The following FSTL5 variants were observed in gnomAD, a reference collection of about 807,000 sequenced individuals.
FSTL5 encodes follistatin like 5.
In FSTL5, 62 loss-of-function variants were observed where a neutral mutation model predicts 89.1. That is an observed-to-expected ratio of 0.70 (90% CI 0.57 to 0.86). The LOEUF is 0.86. Among genes scored for constraint, FSTL5 ranks in the 40% least tolerant of loss-of-function variants. The probability of loss-of-function intolerance (pLI) is 0.00; values close to 1 mark genes in which losing one functional copy is unlikely to be tolerated. For synonymous variants in FSTL5, 383 were observed against 346.2 expected (o/e 1.11, Z -1.18); for missense variants, 1,057 against 1,001.6 (o/e 1.06, Z -0.75).
chr4:161,504,118 C>T (rs1322634033), intron 11 of FSTL5, among the ~76,000 whole-genome samples: 5 of 151,766 alleles, frequency 3.3e-5, no homozygotes, highest in East Asian at 1.9e-4. Flanking sequence ...TGTTTGAAAA[C>T]TTAGCTTTAA....
chr4:161,731,312 G>C (rs779100063), intron 6 of FSTL5, among the ~76,000 whole-genome samples: 4 of 152,010 alleles, frequency 2.6e-5, no homozygotes, highest in Non-Finnish European at 5.9e-5. Flanking sequence ...ATATGGCTTG[G>C]CTCTGTATCT....
intron 6 of FSTL5, among the ~76,000 whole-genome samples, chr4:161,701,142 A>G (rs972522282): frequency 6.6e-6 from 1 of 152,218 alleles, no homozygotes; most frequent in Non-Finnish European, 1.5e-5. Context: ...ATAATTTTAA[A>G]GCAATCAGCA....
intron 7 of FSTL5, among the ~76,000 whole-genome samples, chr4:161,644,268 T>G (rs1305650895): frequency 2.6e-5 from 4 of 152,264 alleles, no homozygotes; most frequent in African/African-American, 9.6e-5. Context: ...GGCTCAAGCC[T>G]GTAATCCCAG....
intron 1 of FSTL5, among the ~76,000 whole-genome samples, chr4:162,157,414 T>A (rs943436359): frequency 6.6e-6 from 1 of 152,186 alleles, no homozygotes; most frequent in Admixed American, 6.6e-5. Flanking sequence ...AGCAGACCTT[T>A]GTAAATACAT....
At chr4:161,656,586 TA>T in intron 6 of FSTL5, 92 bp from the exon 7 acceptor site, 1 of 682,444 alleles carries the variant, frequency 1.5e-6, no homozygotes, top group Non-Finnish European at 2.2e-6. Context: ...TTAAGGCTTT[TA>T]ATTTGAATAA....
intron 8 of FSTL5, among the ~76,000 whole-genome samples, chr4:161,572,174 C>T (rs1733038836): frequency 6.6e-6 from 1 of 151,710 alleles, no homozygotes; most frequent in Non-Finnish European, 1.5e-5. Context: ...CAAAAATTAG[C>T]CAGGCATGTT....
intron 8 of FSTL5, among the ~76,000 whole-genome samples, chr4:161,570,294 A>C (rs1732961296): frequency 6.6e-6 from 1 of 152,120 alleles, no homozygotes; most frequent in Non-Finnish European, 1.5e-5. Context: ...AGCAGAGTTG[A>C]AAGAGTTTGA....
At chr4:161,447,616 T>C (rs1251377584) in intron 15 of FSTL5, among the ~76,000 whole-genome samples, 3 of 152,140 alleles carry the variant, frequency 2.0e-5, no homozygotes, top group African/African-American at 7.2e-5. Flanking sequence ...ACTCAACGTG[T>C]GGCCTGTATT....
intron 4 of FSTL5, among the ~76,000 whole-genome samples, chr4:161,812,000 A>T (rs969093478): frequency 6.6e-6 from 1 of 152,154 alleles, no homozygotes; most frequent in Non-Finnish European, 1.5e-5. Flanking sequence ...ACTTGACAAT[A>T]ATGGCTGGGA....
chr4:162,100,573 A>ATAC (rs1730956253), intron 2 of FSTL5, among the ~76,000 whole-genome samples: 1 of 152,234 alleles, frequency 6.6e-6, no homozygotes. Context: ...ATTTTGTCTG[A>ATAC]TACTATAGTG....
intron 5 of FSTL5, among the ~76,000 whole-genome samples, chr4:161,763,222 C>T (rs1010393089): frequency 1.3e-5 from 2 of 151,992 alleles, no homozygotes; most frequent in African/African-American, 2.4e-5. Flanking sequence ...ACAAGATAGA[C>T]AAAAATCTTT....
At chr4:161,529,682 T>C (rs1478821712) in intron 10 of FSTL5, among the ~76,000 whole-genome samples, 1 of 142,302 alleles carries the variant, frequency 7.0e-6, no homozygotes, top group Non-Finnish European at 1.5e-5. Flanking sequence ...TTCATTGATT[T>C]ATTTTTTCCA....
chr4:161,620,195 G>T (rs549380743), intron 7 of FSTL5, among the ~76,000 whole-genome samples: 2 of 117,328 alleles, frequency 1.7e-5, no homozygotes, highest in Admixed American at 2.0e-4. Context: ...GTTGTGGGGT[G>T]GGGGGAGGGG....
At chr4:161,513,559 T>C (rs2126504545) in intron 10 of FSTL5, among the ~76,000 whole-genome samples, 1 of 152,268 alleles carries the variant, frequency 6.6e-6, no homozygotes, top group Non-Finnish European at 1.5e-5. Context: ...TGCAGCACTA[T>C]TCACAATAGC....
At chr4:161,809,829 G>C (rs1365029807) in intron 4 of FSTL5, among the ~76,000 whole-genome samples, 1 of 152,098 alleles carries the variant, frequency 6.6e-6, no homozygotes, top group Non-Finnish European at 1.5e-5. Context: ...ATAGGTGGGG[G>C]GAAGAAAATG....
At chr4:161,862,058 A>G (rs1731934328) in intron 4 of FSTL5, among the ~76,000 whole-genome samples, 1 of 152,222 alleles carries the variant, frequency 6.6e-6, no homozygotes, top group African/African-American at 2.4e-5. Flanking sequence ...TTCTTTATGC[A>G]AATACTTGCA....
At chr4:161,438,675 T>C (rs2126361236) in intron 15 of FSTL5, among the ~76,000 whole-genome samples, 1 of 152,258 alleles carries the variant, frequency 6.6e-6, no homozygotes, top group Admixed American at 6.5e-5. Context: ...AACTAAACTA[T>C]ATCAATACTG....
chr4:161,610,470 C>T (rs1049602505), intron 7 of FSTL5, among the ~76,000 whole-genome samples: 1 of 152,164 alleles, frequency 6.6e-6, no homozygotes, highest in Admixed American at 6.6e-5. Context: ...CCCTTTGCTA[C>T]AGCAAAGTTA....
At chr4:162,060,720 GAGAT>G (rs1353747668) in intron 2 of FSTL5, among the ~76,000 whole-genome samples, 1 of 151,470 alleles carries the variant, frequency 6.6e-6, no homozygotes, top group Non-Finnish European at 1.5e-5. Flanking sequence ...TATAATTTAT[GAGAT>G]ACTCTACCAA....
Sources: allele counts gnomAD v4.1 joint callset (sites outside exome capture counted in the v4.1 genomes callset), GRCh38; gene constraint gnomAD v4.1.1; transcripts MANE v1.5; gene names NCBI Gene and HGNC (gene_info 2026-07-23, HGNC 2026-07-21).